The following ANKRD62 variants were observed in gnomAD, a reference collection of about 807,000 sequenced individuals.
ANKRD62 encodes the protein ankyrin repeat domain 62.
A neutral mutation model predicts 98.8 loss-of-function variants in ANKRD62; 61 were observed. That is an observed-to-expected ratio of 0.62 (90% CI 0.50 to 0.76). The LOEUF (loss-of-function observed/expected upper bound fraction) is 0.76. ANKRD62 is among the 30% of genes least tolerant of loss of function. The pLI, the probability that ANKRD62 is intolerant of heterozygous loss-of-function variation, is 0.00. For synonymous variants in ANKRD62, 341 were observed against 367.9 expected (o/e 0.93, Z 0.84); for missense variants, 933 against 1,082.9 (o/e 0.86, Z 1.94).
chr18:12,163,761 A>G, the ANKRD62 span, among the ~76,000 whole-genome samples: 141 of 152,204 alleles, frequency 9.3e-4, no homozygotes, highest in African/African-American at 3.2e-3. Flanking sequence ...CTCAGCATCA[A>G]TTGAAATGAT....
chr18:12,122,409 G>A lies in ANKRD62; in HGVS notation c.1347G>A (p.Met449Ile). ...GACTTAAAGTAAAATTTCAAAAAAT[G>A]AAAAATAATATTAGCGTACTACAAA... ...CERLKVKFQK[M>I]KNNISVLQKV... The change falls in exon 11 of 14, where the codon ATG (methionine) becomes ATA (isoleucine). Residue 449 changes from methionine (M) to isoleucine (I), a missense_variant. By Grantham distance (10) the Met-to-Ile change is conservative. Transcript: ENST00000587848. The A allele has an allele frequency of 1.3e-6, 2 of 1,534,890 alleles. No individual in the cohort carries two copies. Among genetic ancestry groups the A allele is most frequent in the Non-Finnish European group, 1.7e-6 (2 of 1,146,302 alleles).
chr18:12,099,780 C>A (rs1489779635), intron 6 of ANKRD62, 98 bp downstream of exon 6: 11 of 525,148 alleles, frequency 2.1e-5, no homozygotes, highest in Admixed American at 4.2e-5. Context: ...TTTAAAAAAA[C>A]CACTGTAAAT....
In ANKRD62 at chr18:12,125,847, G is replaced by T. The variant is rs1171357476; in HGVS notation, c.2026G>T (p.Asp676Tyr). 1 of 1,548,664 alleles carries T rather than the reference G, an allele frequency of 6.5e-7. No homozygotes were observed. Among genetic ancestry groups the T allele is most frequent in the East Asian group, 2.4e-5 (1 of 41,076 alleles). The change falls in exon 13 of 14, where the codon GAC becomes TAC. Residue 676 changes from aspartate to tyrosine, a missense_variant. Around this residue, in one of 3 missense-constraint regions of ANKRD62, gnomAD observed 362 missense variants for 434.5 expected, o/e 0.83. Coordinates refer to ENST00000587848, the MANE Select transcript of ANKRD62 (RefSeq NM_001277333.2). ...TGATCAACGTCAGTCATCAAAAAGA[G>T]ACCTACAGCTTGCTTTCCAGAGCAC... is the stretch of plus-strand genomic sequence containing the variant. ...DHDQRQSSKR[D>Y]LQLAFQSTVN...
the ANKRD62 span, among the ~76,000 whole-genome samples, chr18:12,157,783 T>C: frequency 2.0e-5 from 3 of 152,224 alleles, no homozygotes; most frequent in African/African-American, 7.2e-5. Flanking sequence ...GGGTTTCCAC[T>C]GCAGCTGGAA....
chr18:12,170,003 A>C, the ANKRD62 span, among the ~76,000 whole-genome samples: 2 of 152,040 alleles, frequency 1.3e-5, no homozygotes, highest in Admixed American at 1.3e-4. Flanking sequence ...TATTGCATCT[A>C]TTTGATTCTT....
chr18:12,115,564 T>C, intron 10 of ANKRD62, 30 bp downstream of exon 10: 4 of 1,519,614 alleles, frequency 2.6e-6, no homozygotes, highest in Non-Finnish European at 3.5e-6. Context: ...ATAAGGCTCT[T>C]TCCCTATCCT....
At chr18:12,153,973 T>C in the ANKRD62 span, among the ~76,000 whole-genome samples, 1 of 152,164 alleles carries the variant, frequency 6.6e-6, no homozygotes, top group African/African-American at 2.4e-5. Context: ...GATTAAACTC[T>C]TAGAAGTAAA....
At chr18:12,139,619 C>T in the ANKRD62 span, among the ~76,000 whole-genome samples, 7 of 151,984 alleles carry the variant, frequency 4.6e-5, no homozygotes, top group Admixed American at 4.6e-4. Flanking sequence ...GCACTCCAGC[C>T]TGGGCAACAG....
In ANKRD62 at chr18:12,125,551, C is replaced by T. The variant is rs765338101; in HGVS notation, c.1730C>T (p.Thr577Ile). The T allele has an allele frequency of 4.4e-5, 67 of 1,525,518 alleles. No homozygotes were observed. The Middle Eastern group carries it at 1.7e-3, about 38-fold the overall frequency. 94.5% of individuals were successfully genotyped at this position (1,525,518 alleles called of 1,614,324 possible). The change falls in exon 13 of 14, where the codon ACA becomes ATA. Residue 577 changes from threonine to isoleucine, a missense_variant. Around this residue, in one of 3 missense-constraint regions of ANKRD62, gnomAD observed 362 missense variants for 434.5 expected, o/e 0.83. Coordinates refer to ENST00000587848, the MANE Select transcript of ANKRD62 (RefSeq NM_001277333.2). ...EIARLRLEID[T>I]IKHQNQETEN... ...GCCAGACTCAGGCTGGAAATAGACA[C>T]AATAAAACATCAGAACCAGGAAACT...
At chr18:12,123,267 T>G (rs1409604317) in intron 11 of ANKRD62, among the ~76,000 whole-genome samples, 2 of 152,062 alleles carry the variant, frequency 1.3e-5, no homozygotes, top group Non-Finnish European at 2.9e-5. Context: ...TTGGCCAGAC[T>G]GGTCTCAAAC....
intron 6 of ANKRD62, among the ~76,000 whole-genome samples, chr18:12,100,035 A>G (rs979404535): frequency 6.6e-6 from 1 of 152,188 alleles, no homozygotes; most frequent in Non-Finnish European, 1.5e-5. Context: ...ATTTTAATTT[A>G]TAAAACAAAT....
the ANKRD62 span, among the ~76,000 whole-genome samples, chr18:12,166,722 A>T: frequency 8.5e-5 from 13 of 152,152 alleles, no homozygotes; most frequent in Non-Finnish European, 1.8e-4. Flanking sequence ...TTGAAGAGTT[A>T]AGTATTTATT....
chr18:12,160,216 T>G, the ANKRD62 span, among the ~76,000 whole-genome samples: 12 of 152,314 alleles, frequency 7.9e-5, no homozygotes, highest in East Asian at 2.3e-3. Flanking sequence ...GTATATTCCC[T>G]TGATCAATGT....
At position 12,106,237 on chromosome 18, in the gene ANKRD62, A is replaced by G. The variant is rs533258805; in HGVS notation, c.892-1058A>G. Among the ~76,000 whole-genome samples, 3 of 152,340 alleles carry G rather than the reference A, an allele frequency of 2.0e-5. No homozygotes were observed. In the East Asian group the frequency reaches 5.8e-4, roughly 29 times the overall value. Reference sequence around the variant, plus strand: ...AGATCTTAATGTGATTTTGTTTAATAGAGCATAAGTTTTAGCATGTATAAC... The same window carrying G: ...AGATCTTAATGTGATTTTGTTTAATGGAGCATAAGTTTTAGCATGTATAAC... On this transcript the variant is annotated intron_variant, in intron 7 of 13. Transcript: ENST00000587848.
chr18:12,153,329 G>A, the ANKRD62 span, among the ~76,000 whole-genome samples: 1 of 152,106 alleles, frequency 6.6e-6, no homozygotes, highest in South Asian at 2.1e-4. Context: ...AGTGGCTCAT[G>A]CCTGTAATCC....
At chr18:12,151,973 A>G in the ANKRD62 span, among the ~76,000 whole-genome samples, 1 of 151,744 alleles carries the variant, frequency 6.6e-6, no homozygotes, top group African/African-American at 2.4e-5. Context: ...TAGAAGAGAT[A>G]GGTAAATTTT....
Position 12,099,656 on chromosome 18 carries a change from G to A in ANKRD62, c.794G>A (p.Cys265Tyr), listed in dbSNP as rs760603712. ...MISEYKANKR[C>Y]KSLQNSNSEQ... ...TCTGAATATAAAGCAAACAAGAGAT[G>A]TAAAAGTCTTCAAAATAGCAATTCA... Residue 265 changes from cysteine (C) to tyrosine (Y), a missense_variant, in exon 6 of 14, where the codon TGT becomes TAT. Cys to Tyr is a radical substitution (Grantham distance 194). Around this residue, in one of 3 missense-constraint regions of ANKRD62, gnomAD observed 549 missense variants for 587.9 expected, o/e 0.93. Transcript: ENST00000587848. 1.3e-5 allele frequency: 19 copies of A among 1,484,498 alleles called. No homozygotes were observed. The highest frequency in any genetic ancestry group is 1.4e-5 in the Non-Finnish European group (16 of 1,118,054). The allele number at this position is 1,484,498 out of a possible 1,614,324, so 92.0% of individuals were successfully genotyped here. A position where few individuals can be genotyped will look rare whatever the true frequency, so the allele number is the denominator to read the frequency against.
chr18:12,104,203 G>A (rs1385150220), intron 7 of ANKRD62, among the ~76,000 whole-genome samples: 2 of 152,054 alleles, frequency 1.3e-5, no homozygotes, highest in Non-Finnish European at 2.9e-5. Context: ...CACTGTCAAA[G>A]TAAAGTTTGA....
At chr18:12,171,999 T>C in the ANKRD62 span, among the ~76,000 whole-genome samples, 1 of 152,218 alleles carries the variant, frequency 6.6e-6, no homozygotes, top group East Asian at 1.9e-4. Context: ...TCATTTACGG[T>C]CTTCTCTGTG....
Sources: gnomAD v4.1 joint callset for allele counts (sites outside exome capture counted in the v4.1 genomes callset) on GRCh38, gnomAD v4.1.1 for gene constraint, gnomAD v4.1.1 regional missense constraint, MANE v1.5 for transcripts, NCBI Gene and HGNC (gene_info 2026-07-23, HGNC 2026-07-21) for gene names.